SCARB2: variants seen among roughly 807,000 people sequenced by gnomAD.
SCARB2 encodes lysosome membrane protein 2.
SCARB2 carries 29 observed loss-of-function variants against 58.6 expected under a neutral mutation model. That is an observed-to-expected ratio of 0.49 (90% CI 0.37 to 0.67). The LOEUF (loss-of-function observed/expected upper bound fraction) is 0.67. Among genes scored for constraint, SCARB2 ranks in the 30% least tolerant of loss-of-function variants. The probability of loss-of-function intolerance (pLI) is 0.00; values close to 1 mark genes in which losing one functional copy is unlikely to be tolerated. For synonymous variants in SCARB2, 195 were observed against 210.1 expected, an observed-to-expected ratio of 0.93 and a Z score of 0.62; for missense variants, 488 against 578.5, an observed-to-expected ratio of 0.84 and a Z score of 1.60.
chr4:76,197,873 AG>A (rs1732746293), intron 1 of SCARB2, among the ~76,000 whole-genome samples: 3 of 152,032 alleles, frequency 2.0e-5, no homozygotes, highest in Admixed American at 6.5e-5. Flanking sequence ...TTCTGTAAGC[AG>A]AAAAAAAAAT....
In SCARB2 at chr4:76,180,952, A is replaced by T; in HGVS notation, c.423+2T>A. 1 of 1,610,118 alleles carries T rather than the reference A, an allele frequency of 6.2e-7. No individual in the cohort carries two copies. Among genetic ancestry groups the T allele is most frequent in the Non-Finnish European group, 8.5e-7 (1 of 1,178,260 alleles). On this transcript the variant is annotated splice_donor_variant, in intron 3 of 11. Coordinates refer to ENST00000264896, the MANE Select transcript of SCARB2 (RefSeq NM_005506.4). LOFTEE classifies it high-confidence loss of function. The stretch of plus-strand genomic sequence containing the variant: ...CTTAATGGTATTAAAATGCCTACTT[A>T]CCAATACAGGAATATTTAATGTTCT...
chr4:76,161,845 G>T, intron 11 of SCARB2, 94 bp from the exon 12 acceptor site: 1 of 1,183,936 alleles, frequency 8.4e-7, no homozygotes, highest in Non-Finnish European at 1.3e-6. Context: ...GGCATGGAAG[G>T]AGGAGAGACC....
At chr4:76,163,647 T>C in intron 10 of SCARB2, 1 of 515,338 alleles carries the variant, frequency 1.9e-6, no homozygotes, top group Non-Finnish European at 3.5e-6. Context: ...TGAGACAGTA[T>C]CACCTTTTGT....
chr4:76,161,808 G>A, intron 11 of SCARB2, 57 bp from the exon 12 acceptor site: 16 of 1,588,484 alleles, frequency 1.0e-5, no homozygotes, highest in Non-Finnish European at 1.3e-5. Flanking sequence ...CTTCTCCCCA[G>A]TGTGAAAAGT....
chr4:76,205,637 C>T (rs1461964250), intron 1 of SCARB2, among the ~76,000 whole-genome samples: 1 of 152,152 alleles, frequency 6.6e-6, no homozygotes, highest in Non-Finnish European at 1.5e-5. Context: ...CTGCCTCACA[C>T]TGTCTCTGGA....
chr4:76,213,963 C>T, upstream of SCARB2: 1 of 175,764 alleles, frequency 5.7e-6, no homozygotes, highest in Non-Finnish European at 1.2e-5. Flanking sequence ...AGTGATTCGG[C>T]CCGCGCCCTC....
chr4:76,170,971 T>TATATATAAAA (rs34900504), intron 7 of SCARB2, among the ~76,000 whole-genome samples: 8 of 133,832 alleles, frequency 6.0e-5, no homozygotes, highest in Admixed American at 2.3e-4. Flanking sequence ...TATATATATA[T>TATATATAAAA]AACCAAATAG....
At chr4:76,234,364 A>C (rs1733546829) in exon 1 of SCARB2, 2 of 152,518 alleles carry the variant, frequency 1.3e-5, no homozygotes, top group Non-Finnish European at 2.9e-5. Context: ...TGTGAAGCTA[A>C]AGATGGCATT....
chr4:76,219,580 C>T (rs10032423), intron 1 of SCARB2, among the ~76,000 whole-genome samples: 64,559 of 151,812 alleles, frequency 0.43, 15,104 homozygotes, highest in East Asian at 0.94. Flanking sequence ...GCTGTATAAA[C>T]GAGAAAGCCA....
chr4:76,179,591 A>G lies in SCARB2; in HGVS notation c.538T>C (p.Tyr180His). The change falls in exon 4 of 12, where the codon TAC (tyrosine) becomes CAC (histidine). Residue 180 changes from tyrosine (Y) to histidine (H), a missense_variant. Coordinates refer to ENST00000264896, the MANE Select transcript of SCARB2 (RefSeq NM_005506.4). The stretch of plus-strand genomic sequence containing the variant: ...ATAAGGGACAAGATTTCATCTTTGT[A>G]GCCCCAGAGCAATTCGTCAACTGTG... ...THTVDELLWG[Y>H]KDEILSLIHV... 1 of 1,614,164 alleles carries G rather than the reference A, an allele frequency of 6.2e-7. No homozygotes were observed. Among genetic ancestry groups the G allele is most frequent in the East Asian group, 2.2e-5 (1 of 44,882 alleles).
At chr4:76,171,989 C>CGT (rs776803081) in intron 7 of SCARB2, among the ~76,000 whole-genome samples, 2 of 150,098 alleles carry the variant, frequency 1.3e-5, no homozygotes, top group African/African-American at 4.9e-5. Context: ...CACTTGCGCA[C>CGT]GTGTGTGTGT....
intron 1 of SCARB2, among the ~76,000 whole-genome samples, chr4:76,228,475 T>A (rs1241592324): frequency 6.7e-6 from 1 of 148,644 alleles, no homozygotes; most frequent in Non-Finnish European, 1.5e-5. Flanking sequence ...TAAGCCTCCA[T>A]CTTAAAAAAA....
intron 1 of SCARB2, among the ~76,000 whole-genome samples, chr4:76,207,949 T>C (rs1732962333): frequency 6.6e-6 from 1 of 152,256 alleles, no homozygotes; most frequent in Admixed American, 6.5e-5. Context: ...CAGTCAGAAT[T>C]ACCATCTTAA....
intron 1 of SCARB2, among the ~76,000 whole-genome samples, chr4:76,198,841 AGTGT>A (rs10545527): frequency 0.01 from 1,422 of 141,056 alleles, 10 homozygotes; most frequent in Middle Eastern, 0.04. Flanking sequence ...AGAGTGAGTG[AGTGT>A]GTGTGTGTGT....
rs1000360045 is a variant in SCARB2, at chr4:76,158,763, T to C, written c.*2950A>G. 9 of 152,236 alleles carry C rather than the reference T, an allele frequency of 5.9e-5. No homozygotes were observed. The highest frequency in any genetic ancestry group is 1.0e-4 in the Non-Finnish European group (7 of 68,044). The allele number at this position is 152,236 out of a possible 1,614,324, so 9.4% of individuals were successfully genotyped here. On this transcript the variant is annotated 3_prime_UTR_variant, in exon 12 of 12. Coordinates refer to ENST00000264896, the MANE Select transcript of SCARB2 (RefSeq NM_005506.4). ...TTTATATAAAGTGGTTTTTTATTAA[T>C]GAAACATTTCATTGCATTAAGGGTA...
chr4:76,181,258 C>T (rs1294024818), intron 2 of SCARB2, among the ~76,000 whole-genome samples, 157 bp from the exon 3 acceptor site: 2 of 152,112 alleles, frequency 1.3e-5, no homozygotes, highest in African/African-American at 4.8e-5. Flanking sequence ...AGCTGGAGAT[C>T]GAAGCTATAA....
chr4:76,181,222 G>A (rs551121473), intron 2 of SCARB2, 121 bp from the exon 3 acceptor site: 6 of 994,572 alleles, frequency 6.0e-6, no homozygotes, highest in East Asian at 2.5e-5. Flanking sequence ...ACATTATATA[G>A]AGACTGCAGC....
intron 1 of SCARB2, among the ~76,000 whole-genome samples, chr4:76,199,372 C>T (rs2109963800): frequency 6.6e-6 from 1 of 152,288 alleles, no homozygotes; most frequent in African/African-American, 2.4e-5. Context: ...ATAATTATGT[C>T]CCAAATATTG....
chr4:76,198,635 C>G (rs1240954215), intron 1 of SCARB2, among the ~76,000 whole-genome samples: 4 of 152,254 alleles, frequency 2.6e-5, no homozygotes, highest in Non-Finnish European at 4.4e-5. Context: ...CCCCACAGCC[C>G]TTCTCTGCCT....
Sources: allele counts gnomAD v4.1 joint callset (sites outside exome capture counted in the v4.1 genomes callset), GRCh38; gene constraint gnomAD v4.1.1; transcripts MANE v1.5; gene names NCBI Gene and HGNC (gene_info 2026-07-23, HGNC 2026-07-21).